HYDIN: variants seen among roughly 807,000 people sequenced by gnomAD.
The protein encoded by HYDIN is axonemal central pair apparatus protein HYDIN.
HYDIN carries 132 observed loss-of-function variants against 403.9 expected under a neutral mutation model. That is an observed-to-expected ratio of 0.33 (90% CI 0.28 to 0.38). The LOEUF (loss-of-function observed/expected upper bound fraction) is 0.38. Ranked by LOEUF, HYDIN falls within the 10% of genes least tolerant of loss-of-function variation. The probability of loss-of-function intolerance (pLI) is 1.00; values close to 1 mark genes in which losing one functional copy is unlikely to be tolerated. For synonymous variants in HYDIN, 1,202 were observed against 1,891.7 expected (o/e 0.64, Z 9.46); for missense variants, 2,827 against 5,009.5 (o/e 0.56, Z 13.15).
chr16:70,882,347 T>C (rs1478036515), intron 60 of HYDIN, among the ~76,000 whole-genome samples: 15 of 152,230 alleles, frequency 9.9e-5, no homozygotes, highest in African/African-American at 3.6e-4. Context: ...GGTAGGCCTG[T>C]CTGGAGCTGG....
intron 1 of HYDIN, among the ~76,000 whole-genome samples, chr16:71,213,050 GAA>G (rs1450650763): frequency 6.6e-6 from 1 of 152,066 alleles, no homozygotes; most frequent in Non-Finnish European, 1.5e-5. Flanking sequence ...GTAGTGAAAG[GAA>G]AAACTGTCAT....
intron 1 of HYDIN, among the ~76,000 whole-genome samples, chr16:71,217,882 A>T (rs1384027518): frequency 6.6e-6 from 1 of 152,194 alleles, no homozygotes; most frequent in Non-Finnish European, 1.5e-5. Context: ...CTGGCCACAA[A>T]GCCACATATT....
At chr16:71,167,508 CGCT>C (rs2086281544) in intron 5 of HYDIN, among the ~76,000 whole-genome samples, 1 of 149,026 alleles carries the variant, frequency 6.7e-6, no homozygotes, top group Non-Finnish European at 1.5e-5. Flanking sequence ...CTCACATATC[CGCT>C]GCCTTGTTCT....
intron 13 of HYDIN, among the ~76,000 whole-genome samples, chr16:71,072,474 C>T (rs2082497610): frequency 6.6e-6 from 1 of 152,158 alleles, no homozygotes; most frequent in Admixed American, 6.5e-5. Flanking sequence ...ATAAGTTTCC[C>T]ACCTGGGGAA....
Position 70,884,515 on chromosome 16 carries a change from C to T in HYDIN, c.9775-391G>A, listed in dbSNP as rs141608022. Among the ~76,000 whole-genome samples the T allele has an allele frequency of 9.9e-3, 1,507 of 152,154 alleles. 12 individuals are homozygous for T. Among genetic ancestry groups the T allele is most frequent in the Middle Eastern group, 0.082 (24 of 294 alleles). On this transcript the variant is annotated intron_variant, in intron 58 of 85. Coordinates refer to ENST00000393567, the MANE Select transcript of HYDIN (RefSeq NM_001270974.2). ...ACACACGCCTGGGTTTGAATCCCAG[C>T]CCTGCTAAATATTGACTGTTTGACC...
chr16:71,053,648 T>C (rs919764345), intron 18 of HYDIN, among the ~76,000 whole-genome samples: 14 of 144,768 alleles, frequency 9.7e-5, no homozygotes, highest in Non-Finnish European at 2.2e-4. Flanking sequence ...ATAATATATA[T>C]ATTATGTAAT....
At chr16:71,099,957 C>T (rs2083405399) in intron 10 of HYDIN, among the ~76,000 whole-genome samples, 1 of 152,106 alleles carries the variant, frequency 6.6e-6, no homozygotes, top group Non-Finnish European at 1.5e-5. Flanking sequence ...GAGCTATGAT[C>T]ACATCACTTG....
intron 36 of HYDIN, among the ~76,000 whole-genome samples, chr16:70,968,747 A>G (rs1433710348): frequency 2.6e-5 from 4 of 152,262 alleles, no homozygotes; most frequent in Admixed American, 1.3e-4. Flanking sequence ...GGTTTTAACT[A>G]AAAATCCTTC....
intron 64 of HYDIN, among the ~76,000 whole-genome samples, chr16:70,872,495 C>T (rs2040187847): frequency 6.7e-6 from 1 of 150,088 alleles, no homozygotes; most frequent in Non-Finnish European, 1.5e-5. Flanking sequence ...ATCCATCATC[C>T]ACCTATCCAT....
At chr16:71,037,630 T>C (rs986747054) in intron 18 of HYDIN, among the ~76,000 whole-genome samples, 1 of 151,616 alleles carries the variant, frequency 6.6e-6, no homozygotes. Context: ...AGAGGGCCTA[T>C]GGGAGGGGCC....
intron 23 of HYDIN, among the ~76,000 whole-genome samples, chr16:71,007,439 T>C (rs2079924263): frequency 1.3e-5 from 2 of 152,020 alleles, no homozygotes; most frequent in African/African-American, 2.4e-5. Flanking sequence ...TACAGAAAAA[T>C]TGGGCTTTGA....
intron 36 of HYDIN, among the ~76,000 whole-genome samples, chr16:70,966,859 T>C (rs2078592562): frequency 6.6e-6 from 1 of 151,518 alleles, no homozygotes; most frequent in South Asian, 2.1e-4. Flanking sequence ...GTGTTGGGCA[T>C]TCAATATGTC....
intron 59 of HYDIN, among the ~76,000 whole-genome samples, chr16:70,883,162 C>A (rs2040916685): frequency 6.6e-6 from 1 of 152,128 alleles, no homozygotes; most frequent in Non-Finnish European, 1.5e-5. Context: ...AAGGAGGCAA[C>A]TGGCCCACTA....
chr16:70,931,204 T>C, intron 45 of HYDIN, among the ~76,000 whole-genome samples: 1 of 133,626 alleles, frequency 7.5e-6, no homozygotes, highest in East Asian at 2.0e-4. Flanking sequence ...TGTCTCTCTT[T>C]CTTCTGTTTT....
chr16:71,033,512 A>G (rs1361238704), intron 18 of HYDIN, among the ~76,000 whole-genome samples: 5 of 152,166 alleles, frequency 3.3e-5, no homozygotes, highest in South Asian at 2.1e-4. Flanking sequence ...CATTATCCCC[A>G]GCAAACAAAC....
At chr16:71,126,853 C>A (rs1033051516) in intron 9 of HYDIN, among the ~76,000 whole-genome samples, 1 of 152,036 alleles carries the variant, frequency 6.6e-6, no homozygotes, top group African/African-American at 2.4e-5. Context: ...TTTCCCAACT[C>A]ACTCATCTGA....
chr16:71,037,120 GC>G (rs896776867), intron 18 of HYDIN, among the ~76,000 whole-genome samples: 11 of 151,368 alleles, frequency 7.3e-5, no homozygotes, highest in Admixed American at 1.3e-4. Flanking sequence ...AACTATGTAT[GC>G]CTGGTCTCAG....
intron 23 of HYDIN, among the ~76,000 whole-genome samples, chr16:70,997,926 C>T (rs2079582388): frequency 6.6e-6 from 1 of 150,896 alleles, no homozygotes. Context: ...TTCCAGTAAG[C>T]ACAACTGTTT....
rs772349084 is a variant in HYDIN, at chr16:71,031,716, G to T, written c.2731C>A (p.Pro911Thr). ...CCCAAATTGAGTTCTGGAGCAAAGGGCTTATCTGAAACAATAGTGGAACCA... is the reference window on the plus strand; with the variant it reads ...CCCAAATTGAGTTCTGGAGCAAAGGTCTTATCTGAAACAATAGTGGAACCA... ...GTGSTIVSDK[P>T]FAPELNLGAH... Residue 911 changes from proline to threonine, a missense_variant, in exon 19 of 86, where the codon CCC becomes ACC. Coordinates refer to ENST00000393567, the MANE Select transcript of HYDIN (RefSeq NM_001270974.2). The T allele has an allele frequency of 1.8e-5, 28 of 1,522,144 alleles. No homozygotes were observed. The highest frequency in any genetic ancestry group is 2.5e-5 in the Non-Finnish European group (28 of 1,111,526). The allele number at this position is 1,522,144 out of a possible 1,614,324, so 94.3% of individuals were successfully genotyped here.
Sources: allele counts gnomAD v4.1 joint callset (sites outside exome capture counted in the v4.1 genomes callset), GRCh38; gene constraint gnomAD v4.1.1; transcripts MANE v1.5; gene names NCBI Gene and HGNC (gene_info 2026-07-23, HGNC 2026-07-21).